PIK3R3: variants seen among roughly 807,000 people sequenced by gnomAD.
The protein encoded by PIK3R3 is phosphoinositide-3-kinase regulatory subunit 3, also known as phosphatidylinositol 3-kinase regulatory subunit gamma.
PIK3R3 carries 64 observed loss-of-function variants against 62.9 expected under a neutral mutation model. The ratio of observed to expected loss-of-function variants is 1.02; its 90% CI spans 0.83 to 1.25. The LOEUF is 1.25. Ranked by LOEUF, PIK3R3 falls within the 50% of genes most tolerant of loss-of-function variation. PIK3R3 has a pLI of 0.00. For missense variants in PIK3R3, 614 were observed against 561.6 expected, an observed-to-expected ratio of 1.09 and a Z score of -0.94; for synonymous variants, 165 against 189.0, an observed-to-expected ratio of 0.87 and a Z score of 1.04.
At chr1:46,096,151 A>G (rs1325020371) in intron 1 of PIK3R3, among the ~76,000 whole-genome samples, 1 of 152,184 alleles carries the variant, frequency 6.6e-6, no homozygotes, top group Non-Finnish European at 1.5e-5. Context: ...ACGCATATAC[A>G]CTTACGTCAT....
At chr1:46,114,098 G>A (rs942996147) in intron 1 of PIK3R3, among the ~76,000 whole-genome samples, 6 of 152,122 alleles carry the variant, frequency 3.9e-5, no homozygotes, top group African/African-American at 7.2e-5. Flanking sequence ...GTATAGTAAC[G>A]TACACTGACT....
intron 1 of PIK3R3, among the ~76,000 whole-genome samples, chr1:46,087,471 G>A (rs892548330): frequency 2.0e-5 from 3 of 151,908 alleles, no homozygotes; most frequent in Non-Finnish European, 4.4e-5. Context: ...TAAACAATGA[G>A]CTGTCAAGCA....
At chr1:46,150,786 T>C in the PIK3R3 span, among the ~76,000 whole-genome samples, 1 of 151,068 alleles carries the variant, frequency 6.6e-6, no homozygotes, top group Non-Finnish European at 1.5e-5. Flanking sequence ...TATTCCTACA[T>C]GCTTCTGGTA....
At chr1:46,144,222 A>T in the PIK3R3 span, among the ~76,000 whole-genome samples, 4 of 152,188 alleles carry the variant, frequency 2.6e-5, no homozygotes, top group African/African-American at 9.7e-5. Context: ...GTTGCAAAGG[A>T]AGCCGGTCTT....
At chr1:46,155,531 C>G in the PIK3R3 span, among the ~76,000 whole-genome samples, 2 of 151,876 alleles carry the variant, frequency 1.3e-5, no homozygotes, top group Non-Finnish European at 2.9e-5. Context: ...AATGCAGCCT[C>G]AATCTACCAA....
chr1:46,170,746 C>G, the PIK3R3 span, among the ~76,000 whole-genome samples: 314 of 152,280 alleles, frequency 2.1e-3, 4 homozygotes, highest in African/African-American at 7.2e-3. Flanking sequence ...TTATGTGTCC[C>G]AGGCTCCCTA....
At chr1:46,106,972 G>C (rs564734633) in intron 1 of PIK3R3, among the ~76,000 whole-genome samples, 1 of 152,124 alleles carries the variant, frequency 6.6e-6, no homozygotes, top group South Asian at 2.1e-4. Flanking sequence ...ACGGGGTCAG[G>C]CTGGTCTCAA....
intron 7 of PIK3R3, among the ~76,000 whole-genome samples, chr1:46,052,294 C>T (rs888889676): frequency 6.6e-6 from 1 of 151,996 alleles, no homozygotes; most frequent in Non-Finnish European, 1.5e-5. Context: ...CCAGAAAACA[C>T]GGAAAGCAAA....
intron 9 of PIK3R3, 92 bp downstream of exon 9, chr1:46,045,826 T>C: frequency 8.6e-7 from 1 of 1,161,464 alleles, no homozygotes; most frequent in East Asian, 2.3e-5. Flanking sequence ...TTACTGTACA[T>C]TAACTAATTT....
chr1:46,047,672 C>G lies in PIK3R3; in HGVS notation c.942-1047G>C, dbSNP rs528172991. ...ATCCCCTCAGGGAGGACTATCCTAA[C>G]TGTCCCAACTAAGGCAGTCCCCAGT... On this transcript the variant is annotated intron_variant, in intron 7 of 9. Coordinates refer to ENST00000262741, the MANE Select transcript of PIK3R3 (RefSeq NM_003629.4). 2.0e-5 allele frequency among the ~76,000 whole-genome samples: 3 copies of G among 152,328 alleles called. No homozygotes were observed. In the South Asian group the frequency reaches 6.2e-4, roughly 32 times the overall value.
At chr1:46,161,762 A>G in the PIK3R3 span, among the ~76,000 whole-genome samples, 1 of 152,116 alleles carries the variant, frequency 6.6e-6, no homozygotes, top group Non-Finnish European at 1.5e-5. Flanking sequence ...AGAAGGAAAG[A>G]ATGTAAGCCA....
chr1:46,142,436 C>T, the PIK3R3 span, among the ~76,000 whole-genome samples: 1 of 152,176 alleles, frequency 6.6e-6, no homozygotes, highest in Non-Finnish European at 1.5e-5. Flanking sequence ...CGGTGGCTCA[C>T]GCCTGTAATC....
At chr1:46,064,751 T>C (rs374757033) in intron 5 of PIK3R3, among the ~76,000 whole-genome samples, 1 of 152,012 alleles carries the variant, frequency 6.6e-6, no homozygotes, top group African/African-American at 2.4e-5. Flanking sequence ...GAAAACAGTA[T>C]GATAAAATTT....
chr1:46,126,956 CTTT>C (rs1430571425), intron 1 of PIK3R3, among the ~76,000 whole-genome samples: 1 of 152,178 alleles, frequency 6.6e-6, no homozygotes, highest in Non-Finnish European at 1.5e-5. Context: ...TTGAGAACCA[CTTT>C]TCTAGACTTT....
the PIK3R3 span, among the ~76,000 whole-genome samples, chr1:46,165,597 C>A: frequency 2.0e-5 from 3 of 150,254 alleles, no homozygotes; most frequent in Admixed American, 6.6e-5. Flanking sequence ...TGAGCCACTG[C>A]GCCTGGCCCC....
chr1:46,105,007 C>A (rs1653062264), intron 1 of PIK3R3: 1 of 743,592 alleles, frequency 1.3e-6, no homozygotes, highest in South Asian at 1.4e-5. Flanking sequence ...CAAGGCAGAG[C>A]CACCAGAAAC....
chr1:46,091,556 G>T (rs531531169), intron 1 of PIK3R3, among the ~76,000 whole-genome samples: 2 of 152,180 alleles, frequency 1.3e-5, no homozygotes, highest in Admixed American at 6.5e-5. Context: ...TTACTATATG[G>T]CTCTTTACAG....
the PIK3R3 span, among the ~76,000 whole-genome samples, chr1:46,151,837 C>A: frequency 1.3e-5 from 2 of 152,180 alleles, no homozygotes; most frequent in Non-Finnish European, 2.9e-5. Context: ...TCATTGGAGT[C>A]CTTGCTGGGT....
At chr1:46,146,686 TACACACACACACAC>T in the PIK3R3 span, among the ~76,000 whole-genome samples, 2,126 of 92,804 alleles carry the variant, frequency 0.023, 78 homozygotes, top group African/African-American at 0.036. Flanking sequence ...CCTCCAACTC[TACACACACACACAC>T]ACACACACAC....
Sources: allele counts gnomAD v4.1 joint callset (sites outside exome capture counted in the v4.1 genomes callset), GRCh38; gene constraint gnomAD v4.1.1; transcripts MANE v1.5; gene names NCBI Gene and HGNC (gene_info 2026-07-23, HGNC 2026-07-21).